Variants in ERBB4 observed in about 807,000 individuals in gnomAD.
ERBB4 encodes erb-b2 receptor tyrosine kinase 4.
A neutral mutation model predicts 158.0 loss-of-function variants in ERBB4; 42 were observed. The ratio of observed to expected loss-of-function variants is 0.27; its 90% CI spans 0.21 to 0.34. The LOEUF (loss-of-function observed/expected upper bound fraction) is 0.34, where lower values mean the gene tolerates loss of function less well. Ranked by LOEUF, ERBB4 falls within the 10% of genes least tolerant of loss-of-function variation. ERBB4 has a pLI of 1.00. For synonymous variants in ERBB4, 583 were observed against 558.7 expected (o/e 1.04, Z -0.61); for missense variants, 1,333 against 1,624.1 (o/e 0.82, Z 3.08).
intron 1 of ERBB4, among the ~76,000 whole-genome samples, chr2:212,277,539 C>T (rs76263877): frequency 0.012 from 1,810 of 151,726 alleles, 25 homozygotes; most frequent in African/African-American, 0.041. Context: ...CCAATAAATA[C>T]CCAGATCTTT....
chr2:211,563,410 A>G (rs958350829), intron 19 of ERBB4, among the ~76,000 whole-genome samples: 3 of 152,198 alleles, frequency 2.0e-5, no homozygotes, highest in African/African-American at 7.2e-5. Flanking sequence ...AATCAGACAA[A>G]TCCATATTGT....
chr2:211,884,382 G>A (rs1200169888), intron 3 of ERBB4, among the ~76,000 whole-genome samples: 2 of 152,058 alleles, frequency 1.3e-5, no homozygotes, highest in African/African-American at 4.8e-5. Flanking sequence ...AAACTTTCCT[G>A]AAACCCTGAC....
chr2:211,656,869 C>T (rs750377819), intron 16 of ERBB4, among the ~76,000 whole-genome samples: 24 of 152,180 alleles, frequency 1.6e-4, no homozygotes, highest in Non-Finnish European at 2.2e-4. Context: ...AACTGAAGAA[C>T]ATTTGAGTAG....
chr2:211,925,111 T>C (rs1363750508), intron 3 of ERBB4, among the ~76,000 whole-genome samples: 2 of 152,144 alleles, frequency 1.3e-5, no homozygotes, highest in Non-Finnish European at 2.9e-5. Flanking sequence ...AGTTCAGAAA[T>C]ACTATAGTTG....
At chr2:212,367,087 C>T (rs533368874) in intron 1 of ERBB4, among the ~76,000 whole-genome samples, 7 of 151,916 alleles carry the variant, frequency 4.6e-5, no homozygotes, top group Admixed American at 4.6e-4. Flanking sequence ...ATAACTACAC[C>T]CCCAAAACCC....
intron 1 of ERBB4, among the ~76,000 whole-genome samples, chr2:212,139,444 A>G (rs1245594193): frequency 6.6e-6 from 1 of 152,062 alleles, no homozygotes; most frequent in Non-Finnish European, 1.5e-5. Context: ...CAATAAAGGT[A>G]TCAAAAATAT....
rs555215014 is a variant in ERBB4, at chr2:211,544,040, A to C, written c.2487+17863T>G. Among the ~76,000 whole-genome samples, 37 of 152,000 alleles carry C rather than the reference A, an allele frequency of 2.4e-4. 1 individual carries two copies. The South Asian group carries it at 6.9e-3, about 28-fold the overall frequency. ...AGTTAAAGTCTCACTGCACAGATAC[A>C]TTTTGATATAATGATAATCCATAGA... is the stretch of plus-strand genomic sequence containing the variant. On this transcript the variant is annotated intron_variant, in intron 20 of 27. Coordinates refer to ENST00000342788, the MANE Select transcript of ERBB4 (RefSeq NM_005235.3).
chr2:211,482,158 G>C (rs1478824561), intron 20 of ERBB4, among the ~76,000 whole-genome samples: 2 of 152,192 alleles, frequency 1.3e-5, no homozygotes, highest in African/African-American at 4.8e-5. Context: ...GAGAACTGCA[G>C]AGTGTCCCTC....
intron 1 of ERBB4, among the ~76,000 whole-genome samples, chr2:212,456,012 T>C (rs1347043852): frequency 6.6e-6 from 1 of 152,048 alleles, no homozygotes; most frequent in East Asian, 1.9e-4. Flanking sequence ...AAATTTCAGG[T>C]TTATTTCACC....
intron 1 of ERBB4, among the ~76,000 whole-genome samples, chr2:212,252,110 G>A (rs114150191): frequency 0.034 from 5,130 of 152,090 alleles, 93 homozygotes; most frequent in Non-Finnish European, 0.042. Flanking sequence ...TCAAAGATAC[G>A]TTCCAGGTGT....
At chr2:212,252,842 A>G (rs903169110) in intron 1 of ERBB4, among the ~76,000 whole-genome samples, 2 of 152,120 alleles carry the variant, frequency 1.3e-5, no homozygotes, top group Non-Finnish European at 2.9e-5. Context: ...CAATGCAGAC[A>G]TATGTATTGT....
At chr2:212,048,552 G>A (rs2077316269) in intron 2 of ERBB4, among the ~76,000 whole-genome samples, 1 of 152,142 alleles carries the variant, frequency 6.6e-6, no homozygotes, top group Non-Finnish European at 1.5e-5. Context: ...CTAGATATTT[G>A]GCTCAAGCAA....
chr2:211,812,695 T>C (rs1316329880), intron 3 of ERBB4, among the ~76,000 whole-genome samples: 2 of 152,132 alleles, frequency 1.3e-5, no homozygotes, highest in Admixed American at 6.5e-5. Flanking sequence ...GTGGGCTCCA[T>C]CCAATTTGAG....
chr2:212,197,000 C>T (rs1258353896), intron 1 of ERBB4, among the ~76,000 whole-genome samples: 2 of 152,028 alleles, frequency 1.3e-5, no homozygotes, highest in African/African-American at 4.8e-5. Context: ...CTGATGTCTA[C>T]GGGTTGTTTT....
intron 5 of ERBB4, among the ~76,000 whole-genome samples, chr2:211,728,476 T>G (rs1325527454): frequency 6.6e-6 from 1 of 151,692 alleles, no homozygotes; most frequent in Non-Finnish European, 1.5e-5. Context: ...AATTAGTAAT[T>G]CATACAATAT....
chr2:212,260,749 C>T (rs1183725424), intron 1 of ERBB4, among the ~76,000 whole-genome samples: 1 of 151,606 alleles, frequency 6.6e-6, no homozygotes, highest in Non-Finnish European at 1.5e-5. Flanking sequence ...GGAGACGGAG[C>T]TTGCAGTGAG....
intron 1 of ERBB4, among the ~76,000 whole-genome samples, chr2:212,235,333 A>G (rs1407589132): frequency 6.6e-6 from 1 of 152,140 alleles, no homozygotes; most frequent in African/African-American, 2.4e-5. Context: ...CCATTCATCT[A>G]TATATCTGTT....
chr2:211,402,683 A>G (rs2063069919), intron 25 of ERBB4, among the ~76,000 whole-genome samples: 3 of 152,000 alleles, frequency 2.0e-5, no homozygotes. Context: ...TCCTAAGCGT[A>G]TAGACAAGTG....
intron 3 of ERBB4, among the ~76,000 whole-genome samples, chr2:211,899,947 T>C (rs926076454): frequency 6.6e-6 from 1 of 152,130 alleles, no homozygotes; most frequent in African/African-American, 2.4e-5. Flanking sequence ...TAACCAAACT[T>C]ATAAACTCAG....
Sources: gnomAD v4.1 joint callset for allele counts (sites outside exome capture counted in the v4.1 genomes callset) on GRCh38, gnomAD v4.1.1 for gene constraint, MANE v1.5 for transcripts, NCBI Gene and HGNC (gene_info 2026-07-23, HGNC 2026-07-21) for gene names.